Variants in NDST4 observed in about 807,000 individuals in gnomAD.
The protein encoded by NDST4 is N-heparan sulfate sulfotransferase 4.
NDST4 carries 63 observed loss-of-function variants against 100.8 expected under a neutral mutation model. The observed-to-expected ratio is 0.62, with a 90% confidence interval of 0.51 to 0.77. The LOEUF is 0.77. Among genes scored for constraint, NDST4 ranks in the 30% least tolerant of loss-of-function variants. The probability of loss-of-function intolerance (pLI) is 0.00; values close to 1 mark genes in which losing one functional copy is unlikely to be tolerated. For synonymous variants in NDST4, 377 were observed against 361.8 expected (o/e 1.04, Z -0.48); for missense variants, 943 against 1,018.4 (o/e 0.93, Z 1.01).
At position 114,992,856 on chromosome 4, in the gene NDST4, T is replaced by C. The variant is rs147588188; in HGVS notation, c.979-15582A>G. ...TCTGATCCCAAATCTGTTCTTTACA[T>C]TTCCTATGAGAACTCTAGCTCCTGG... On this transcript the variant is annotated intron_variant, in intron 2 of 13. Transcript: ENST00000264363. 1.4e-3 allele frequency among the ~76,000 whole-genome samples: 216 copies of C among 151,942 alleles called. 1 individual carries two copies. Among genetic ancestry groups the C allele is most frequent in the African/African-American group, 5.0e-3 (209 of 41,522 alleles).
chr4:114,968,233 T>C (rs1726428293), intron 4 of NDST4, among the ~76,000 whole-genome samples: 2 of 152,220 alleles, frequency 1.3e-5, no homozygotes, highest in African/African-American at 4.8e-5. Context: ...TGACTTGCGC[T>C]ATGCTTCCAA....
chr4:114,992,545 GTT>G (rs758350450), intron 2 of NDST4, among the ~76,000 whole-genome samples: 3 of 137,458 alleles, frequency 2.2e-5, no homozygotes, highest in African/African-American at 7.9e-5. Flanking sequence ...TTATAGGAAG[GTT>G]TTTTTTTTTT....
intron 6 of NDST4, among the ~76,000 whole-genome samples, chr4:114,876,184 G>T (rs1274517603): frequency 1.3e-5 from 2 of 152,146 alleles, no homozygotes; most frequent in Admixed American, 6.6e-5. Context: ...CTGCAGCACA[G>T]TATTTTTCAA....
intron 5 of NDST4, 83 bp downstream of exon 5, chr4:114,937,235 C>A: frequency 7.1e-7 from 1 of 1,416,516 alleles, no homozygotes; most frequent in Non-Finnish European, 9.9e-7. Context: ...TTCGAGGTTA[C>A]ATCCTTAGAG....
chr4:114,929,113 C>CATCCATCCATCCATCCATCTATCT (rs1578395038), intron 6 of NDST4, among the ~76,000 whole-genome samples: 4 of 117,492 alleles, frequency 3.4e-5, no homozygotes, highest in East Asian at 2.5e-4. Context: ...TCCATCCATC[C>CATCCATCCATCCATCCATCTATCT]ATCTATCTAT....
Position 114,828,170 on chromosome 4 carries a change from C to T in NDST4, c.2500-235G>A, listed in dbSNP as rs117141163. Among the ~76,000 whole-genome samples the T allele has an allele frequency of 1.6e-4, 25 of 151,962 alleles. 1 individual carries two copies. In the East Asian group the frequency reaches 4.1e-3, roughly 25 times the overall value. On this transcript the variant is annotated intron_variant, in intron 13 of 13. Transcript: ENST00000264363. ...ATCCTATATGGCGTATCTGTCATTA[C>T]GGCACATATTTATTGTGGGATATAT...
intron 11 of NDST4, among the ~76,000 whole-genome samples, chr4:114,838,141 A>G (rs577583332): frequency 6.6e-6 from 1 of 152,344 alleles, no homozygotes; most frequent in South Asian, 2.1e-4. Flanking sequence ...GCCAGTTAGA[A>G]TGGTGATCAT....
chr4:114,881,241 T>C (rs914205117), intron 6 of NDST4, among the ~76,000 whole-genome samples: 14 of 151,884 alleles, frequency 9.2e-5, no homozygotes, highest in African/African-American at 2.4e-4. Flanking sequence ...AGGTGTATGA[T>C]TGAGAGGTGA....
intron 2 of NDST4, among the ~76,000 whole-genome samples, chr4:115,062,260 G>A (rs1466786085): frequency 1.3e-5 from 2 of 151,892 alleles, no homozygotes; most frequent in Non-Finnish European, 2.9e-5. Context: ...AATATAAACT[G>A]CAAATAACTC....
chr4:114,847,872 T>G (rs1723588636), intron 9 of NDST4, among the ~76,000 whole-genome samples: 1 of 152,200 alleles, frequency 6.6e-6, no homozygotes, highest in Non-Finnish European at 1.5e-5. Flanking sequence ...GAAACATTGT[T>G]GCGAAGACAA....
chr4:114,891,545 A>G (rs917796834), intron 6 of NDST4, among the ~76,000 whole-genome samples: 1 of 151,578 alleles, frequency 6.6e-6, no homozygotes, highest in Non-Finnish European at 1.5e-5. Flanking sequence ...CTACCCTACC[A>G]TTTTTCTTGC....
At chr4:114,959,595 C>T (rs960697699) in intron 4 of NDST4, among the ~76,000 whole-genome samples, 1 of 152,046 alleles carries the variant, frequency 6.6e-6, no homozygotes, top group African/African-American at 2.4e-5. Context: ...TCCCAAAACA[C>T]GTGGGGATTA....
intron 2 of NDST4, among the ~76,000 whole-genome samples, chr4:115,058,841 G>A (rs544493301): frequency 2.6e-5 from 4 of 152,024 alleles, no homozygotes; most frequent in Non-Finnish European, 5.9e-5. Flanking sequence ...AGGTAGAGCA[G>A]TAAGAAAAGC....
At chr4:114,851,965 T>C (rs1723687326) in intron 8 of NDST4, among the ~76,000 whole-genome samples, 3 of 152,186 alleles carry the variant, frequency 2.0e-5, no homozygotes, top group Non-Finnish European at 4.4e-5. Context: ...CACTCACTGA[T>C]GAAAATGCTT....
intron 1 of NDST4, among the ~76,000 whole-genome samples, chr4:115,093,156 C>T (rs957540291): frequency 1.4e-4 from 22 of 152,066 alleles, no homozygotes; most frequent in Admixed American, 1.4e-3. Context: ...AGAATTCATA[C>T]CATTTCTCAA....
At chr4:115,044,438 T>C (rs918009842) in intron 2 of NDST4, among the ~76,000 whole-genome samples, 14 of 152,050 alleles carry the variant, frequency 9.2e-5, no homozygotes, top group Non-Finnish European at 4.4e-5. Context: ...AAGCCCATGT[T>C]AATGTTAGTG....
chr4:114,897,954 C>T (rs1724751812), intron 6 of NDST4, among the ~76,000 whole-genome samples: 1 of 152,096 alleles, frequency 6.6e-6, no homozygotes, highest in Admixed American at 6.6e-5. Flanking sequence ...TAATAGGTAA[C>T]AGTCGTATAT....
intron 2 of NDST4, among the ~76,000 whole-genome samples, chr4:114,999,863 A>G (rs975177506): frequency 3.8e-4 from 58 of 152,102 alleles, no homozygotes; most frequent in African/African-American, 1.3e-3. Flanking sequence ...TAAACTTGTA[A>G]TTGATATGTC....
At chr4:115,039,630 G>A (rs576012026) in intron 2 of NDST4, among the ~76,000 whole-genome samples, 2 of 152,076 alleles carry the variant, frequency 1.3e-5, no homozygotes, top group Non-Finnish European at 2.9e-5. Context: ...AATTTGCATC[G>A]TCTAACAAAG....
Sources: gnomAD v4.1 joint callset for allele counts (sites outside exome capture counted in the v4.1 genomes callset) on GRCh38, gnomAD v4.1.1 for gene constraint, MANE v1.5 for transcripts, NCBI Gene and HGNC (gene_info 2026-07-23, HGNC 2026-07-21) for gene names.